REV3L: variants seen among roughly 807,000 people sequenced by gnomAD.
REV3L encodes the protein REV3 like, DNA directed polymerase zeta catalytic subunit, also known as DNA polymerase zeta catalytic subunit.
In REV3L, 69 loss-of-function variants were observed where a neutral mutation model predicts 299.4. The ratio of observed to expected loss-of-function variants is 0.23; its 90% CI spans 0.19 to 0.28. REV3L has a LOEUF of 0.28. Ranked by LOEUF, REV3L falls within the 10% of genes least tolerant of loss-of-function variation. REV3L has a pLI of 1.00. For synonymous variants in REV3L, 1,238 were observed against 1,271.4 expected, an observed-to-expected ratio of 0.97 and a Z score of 0.56; for missense variants, 3,128 against 3,693.8, an observed-to-expected ratio of 0.85 and a Z score of 3.97.
rs567275227 is a variant in REV3L, at chr6:111,342,368, A to C, written c.7538+1557T>G. The stretch of plus-strand genomic sequence containing the variant: ...AGAGCAGGAGTGCTGAGCAAACCCC[A>C]GAAGAATAGGAAGATCCAGGCCGGG... On this transcript the variant is annotated intron_variant, in intron 21 of 31. Coordinates refer to ENST00000368802, the MANE Select transcript of REV3L (RefSeq NM_001372078.1). Among the ~76,000 whole-genome samples, 7 of 152,182 alleles carry C rather than the reference A, an allele frequency of 4.6e-5. 1 individual carries two copies. The South Asian group carries it at 1.0e-3, about 23-fold the overall frequency.
intron 21 of REV3L, among the ~76,000 whole-genome samples, chr6:111,338,139 G>A (rs922731091): frequency 6.6e-6 from 1 of 152,012 alleles, no homozygotes. Context: ...ACATATATAA[G>A]AATCTGTTTC....
At chr6:111,355,601 GTTA>G (rs1241037450) in intron 18 of REV3L, among the ~76,000 whole-genome samples, 1 of 152,084 alleles carries the variant, frequency 6.6e-6, no homozygotes, top group East Asian at 1.9e-4. Context: ...ATTTAAGAAA[GTTA>G]TTATACTTGC....
chr6:111,372,397 C>T (rs1028937926), intron 13 of REV3L, among the ~76,000 whole-genome samples, 199 bp downstream of exon 13: 2 of 152,088 alleles, frequency 1.3e-5, no homozygotes, highest in African/African-American at 2.4e-5. Context: ...TGTAACCATC[C>T]AGTTAGTTTT....
chr6:111,368,160 T>C, intron 13 of REV3L, 132 bp from the exon 14 acceptor site: 1 of 708,846 alleles, frequency 1.4e-6, no homozygotes, highest in Non-Finnish European at 2.3e-6. Context: ...GCCCCCTCTA[T>C]ATTGTGCAGG....
In REV3L at chr6:111,342,730, C is replaced by G. The variant is rs1390002051; in HGVS notation, c.7538+1195G>C. On this transcript the variant is annotated intron_variant, in intron 21 of 31. Transcript: ENST00000368802. ...GGTTAGACAGGAGAACTGAGAAACT[C>G]CCCCTGCCTCCACTATAAACCTTGC... Among the ~76,000 whole-genome samples, 8 of 151,128 alleles carry G rather than the reference C, an allele frequency of 5.3e-5. No homozygotes were observed. The East Asian group carries it at 1.6e-3, about 29-fold the overall frequency.
Position 111,367,543 on chromosome 6 carries a change from G to T in REV3L, c.6245C>A (p.Thr2082Lys), listed in dbSNP as rs186062188. 1.9e-6 allele frequency: 3 copies of T among 1,613,264 alleles called. No individual in the cohort carries two copies. The East Asian group carries it at 6.7e-5, about 36-fold the overall frequency. The stretch of plus-strand genomic sequence containing the variant: ...TTCACTTGCAGTTTGACTACATCCC[G>T]TGGTTGGTGCTTGTAAAGCAATCTG... ...NSQIALQAPT[T>K]GCSQTASESQ... Residue 2082 changes from threonine (T) to lysine (K), a missense_variant, in exon 14 of 32, where the codon ACG becomes AAG. Transcript: ENST00000368802.
At chr6:111,425,713 G>A (rs1247352196) in intron 1 of REV3L, among the ~76,000 whole-genome samples, 2 of 151,970 alleles carry the variant, frequency 1.3e-5, no homozygotes, top group African/African-American at 4.8e-5. Context: ...TCATGAAGAA[G>A]CCAAGGTGTT....
chr6:111,341,391 T>C (rs1776470106), intron 21 of REV3L, among the ~76,000 whole-genome samples: 5 of 152,202 alleles, frequency 3.3e-5, no homozygotes. Context: ...TGATAGAAGC[T>C]AAGTGCTTTC....
chr6:111,368,065 A>G, intron 13 of REV3L, 37 bp from the exon 14 acceptor site: 1 of 1,514,492 alleles, frequency 6.6e-7, no homozygotes, highest in East Asian at 2.3e-5. Flanking sequence ...GTTTTGTTTC[A>G]AAGAGCAATT....
At chr6:111,470,174 TCACACACACA>T (rs6149753) in intron 1 of REV3L, among the ~76,000 whole-genome samples, 10 of 150,252 alleles carry the variant, frequency 6.7e-5, no homozygotes, top group Admixed American at 4.0e-4. Flanking sequence ...TTACTATCTC[TCACACACACA>T]CACACACACA....
intron 18 of REV3L, among the ~76,000 whole-genome samples, chr6:111,352,251 G>A (rs1168799878): frequency 6.6e-6 from 1 of 152,022 alleles, no homozygotes; most frequent in East Asian, 1.9e-4. Flanking sequence ...CCAGTGATCT[G>A]CCTGCCTCAG....
At chr6:111,331,901 G>T in intron 23 of REV3L, 117 bp from the exon 24 acceptor site, 1 of 677,838 alleles carries the variant, frequency 1.5e-6, no homozygotes, top group Admixed American at 2.8e-5. Flanking sequence ...ATCTAAACAA[G>T]AATTCATGTA....
Position 111,313,492 on chromosome 6 carries a change from G to A in REV3L, c.8467-3C>T. 1.3e-6 allele frequency: 2 copies of A among 1,592,030 alleles called. No individual in the cohort carries two copies. Among genetic ancestry groups the A allele is most frequent in the Non-Finnish European group, 8.5e-7 (1 of 1,172,494 alleles). On this transcript the variant is annotated splice_polypyrimidine_tract_variant and splice_region_variant and intron_variant, in intron 27 of 31. Coordinates refer to ENST00000368802, the MANE Select transcript of REV3L (RefSeq NM_001372078.1). ...TGTAAAACACAGGGCAAATATACCTGTGGTAAAATTAATAAAATGCCTCTT... is the reference window on the plus strand; with the variant it reads ...TGTAAAACACAGGGCAAATATACCTATGGTAAAATTAATAAAATGCCTCTT...
At chr6:111,322,399 C>T (rs1342755010) in intron 26 of REV3L, among the ~76,000 whole-genome samples, 170 bp downstream of exon 26, 1 of 152,110 alleles carries the variant, frequency 6.6e-6, no homozygotes, top group Non-Finnish European at 1.5e-5. Context: ...CTCTTACGAT[C>T]CTATCTGGTA....
At chr6:111,421,496 A>G (rs997370900) in intron 1 of REV3L, among the ~76,000 whole-genome samples, 10 of 152,244 alleles carry the variant, frequency 6.6e-5, no homozygotes, top group African/African-American at 2.2e-4. Context: ...CCGTGTTACA[A>G]TAAAACTTCA....
intron 26 of REV3L, among the ~76,000 whole-genome samples, chr6:111,318,119 GCT>G (rs1303775265): frequency 2.0e-5 from 3 of 148,886 alleles, no homozygotes; most frequent in South Asian, 2.1e-4. Context: ...ACGGAGTCTT[GCT>G]CTGTCACCCA....
chr6:111,439,820 A>G (rs1788033649), intron 1 of REV3L, among the ~76,000 whole-genome samples: 1 of 152,174 alleles, frequency 6.6e-6, no homozygotes, highest in Non-Finnish European at 1.5e-5. Context: ...CGGCAAATCA[A>G]TGAGATGCAC....
At chr6:111,394,240 A>T (rs898221218) in intron 4 of REV3L, among the ~76,000 whole-genome samples, 1 of 152,122 alleles carries the variant, frequency 6.6e-6, no homozygotes, top group Non-Finnish European at 1.5e-5. Context: ...TGGCTGTACT[A>T]ATTTACATTC....
At chr6:111,321,876 G>A (rs1774229429) in intron 26 of REV3L, among the ~76,000 whole-genome samples, 1 of 152,138 alleles carries the variant, frequency 6.6e-6, no homozygotes, top group African/African-American at 2.4e-5. Context: ...AATTTGAATA[G>A]TGCCTACATT....
Sources: allele counts gnomAD v4.1 joint callset (sites outside exome capture counted in the v4.1 genomes callset), GRCh38; gene constraint gnomAD v4.1.1; transcripts MANE v1.5; gene names NCBI Gene and HGNC (gene_info 2026-07-23, HGNC 2026-07-21).